The following CHKA variants were observed in gnomAD, a reference collection of about 807,000 sequenced individuals.
CHKA encodes CHETK-alpha.
A neutral mutation model predicts 60.1 loss-of-function variants in CHKA; 34 were observed. The observed-to-expected ratio is 0.57, with a 90% CI of 0.43 to 0.75. The LOEUF is 0.75. CHKA is among the 30% of genes least tolerant of loss of function. The pLI, the probability that CHKA is intolerant of heterozygous loss-of-function variation, is 0.00. For missense variants in CHKA, 563 were observed against 561.3 expected (o/e 1.00, Z -0.03); for synonymous variants, 217 against 223.1 (o/e 0.97, Z 0.24).
intron 10 of CHKA, 71 bp downstream of exon 10, chr11:68,064,454 G>A: frequency 1.4e-6 from 1 of 710,604 alleles, no homozygotes; most frequent in Non-Finnish European, 2.3e-6. Context: ...CTAATTGCAA[G>A]TCAGCATCTC....
chr11:68,083,974 G>T (rs569356148), intron 2 of CHKA, among the ~76,000 whole-genome samples: 1 of 152,034 alleles, frequency 6.6e-6, no homozygotes, highest in Non-Finnish European at 1.5e-5. Context: ...GCCGGCGGGG[G>T]TGGCCCATGC....
chr11:68,113,235 T>C (rs1357084234), intron 1 of CHKA, among the ~76,000 whole-genome samples: 3 of 150,818 alleles, frequency 2.0e-5, no homozygotes, highest in African/African-American at 7.3e-5. Context: ...CATCTGTGAA[T>C]ACCCACTACA....
At chr11:68,080,582 A>G (rs1052841502) in intron 3 of CHKA, among the ~76,000 whole-genome samples, 3 of 152,100 alleles carry the variant, frequency 2.0e-5, no homozygotes, top group African/African-American at 4.8e-5. Flanking sequence ...TCCTGACCTC[A>G]TGATCCACCT....
At chr11:68,120,545 A>G (rs1590893259) in intron 1 of CHKA, among the ~76,000 whole-genome samples, 1 of 152,266 alleles carries the variant, frequency 6.6e-6, no homozygotes, top group East Asian at 1.9e-4. Context: ...ATGGAACGGT[A>G]TTGTTCTCCT....
At chr11:68,102,491 A>G (rs562842313) in intron 1 of CHKA, among the ~76,000 whole-genome samples, 2 of 152,338 alleles carry the variant, frequency 1.3e-5, no homozygotes, top group African/African-American at 4.8e-5. Flanking sequence ...GGAAAACTGG[A>G]TATCGCACGC....
At chr11:68,066,342 G>T in intron 8 of CHKA, 87 bp downstream of exon 8, 1 of 1,162,928 alleles carries the variant, frequency 8.6e-7, no homozygotes, top group Non-Finnish European at 1.3e-6. Flanking sequence ...GCGGCATTTT[G>T]ACTTATTTTC....
At chr11:68,105,937 T>C (rs968843802) in intron 1 of CHKA, among the ~76,000 whole-genome samples, 2 of 151,456 alleles carry the variant, frequency 1.3e-5, no homozygotes, top group African/African-American at 4.9e-5. Flanking sequence ...AAAGTCAAAA[T>C]GACTAGAAAG....
intron 11 of CHKA, among the ~76,000 whole-genome samples, chr11:68,060,499 T>C (rs1008061536): frequency 4.0e-5 from 6 of 151,720 alleles, no homozygotes; most frequent in East Asian, 3.9e-4. Flanking sequence ...TTAGTAGAGA[T>C]AGAGTTTCAC....
At chr11:68,056,780 CAA>C (rs1856032867) in intron 11 of CHKA, among the ~76,000 whole-genome samples, 1 of 151,928 alleles carries the variant, frequency 6.6e-6, no homozygotes, top group Non-Finnish European at 1.5e-5. Flanking sequence ...AAGGTTGAGA[CAA>C]GAGGATCGCT....
rs1315163392 is a variant in CHKA at position 68,064,580 on chromosome 11, G to A, written c.1177C>T (p.Leu393Phe). 4 of 1,595,436 alleles carry A rather than the reference G, an allele frequency of 2.5e-6. No individual in the cohort carries two copies. Among genetic ancestry groups the A allele is most frequent in the Non-Finnish European group, 3.4e-6 (4 of 1,173,572 alleles). Residue 393 changes from leucine to phenylalanine, a missense_variant, in exon 10 of 12, where the codon CTC (leucine) becomes TTC (phenylalanine). Leu to Phe is a conservative substitution (Grantham distance 22). Coordinates refer to ENST00000265689, the MANE Select transcript of CHKA (RefSeq NM_001277.3). The part of the protein sequence containing the change: ...LPAFQNDFEN[L>F]STEEKSIIKE... ...ATAATGGATTTTTCTTCAGTACTGA[G>A]GTTTTCAAAGTCATTTTGGAATGCA... is the stretch of plus-strand genomic sequence containing the variant.
chr11:68,119,518 G>A (rs1454312202), intron 1 of CHKA, among the ~76,000 whole-genome samples: 1 of 152,182 alleles, frequency 6.6e-6, no homozygotes, highest in African/African-American at 2.4e-5. Flanking sequence ...GTCAAAGGCT[G>A]GAGTGCAGTG....
chr11:68,119,281 G>A (rs1463480682), intron 1 of CHKA, among the ~76,000 whole-genome samples: 1 of 152,126 alleles, frequency 6.6e-6, no homozygotes, highest in African/African-American at 2.4e-5. Context: ...AGCACAAAGA[G>A]GAAGTGAAGC....
chr11:68,104,209 C>T (rs996575892), intron 1 of CHKA, among the ~76,000 whole-genome samples: 1 of 152,088 alleles, frequency 6.6e-6, no homozygotes, highest in Non-Finnish European at 1.5e-5. Context: ...GAGGACAGTA[C>T]TTATATTAAG....
chr11:68,083,891 A>C (rs942729489), intron 2 of CHKA, among the ~76,000 whole-genome samples: 1 of 152,162 alleles, frequency 6.6e-6, no homozygotes, highest in Non-Finnish European at 1.5e-5. Flanking sequence ...ATCTCAAACC[A>C]AGTGTATATT....
At chr11:68,071,974 C>T (rs1441924362) in intron 4 of CHKA, among the ~76,000 whole-genome samples, 1 of 152,210 alleles carries the variant, frequency 6.6e-6, no homozygotes, top group Non-Finnish European at 1.5e-5. Context: ...AATTACCATG[C>T]TGCAATAAGA....
At chr11:68,103,184 T>C (rs1238424364) in intron 1 of CHKA, among the ~76,000 whole-genome samples, 2 of 151,954 alleles carry the variant, frequency 1.3e-5, no homozygotes, top group East Asian at 1.9e-4. Flanking sequence ...TATCAAAAGA[T>C]GACAAATAAA....
chr11:68,113,081 CA>C (rs71040587), intron 1 of CHKA, among the ~76,000 whole-genome samples: 154 of 14,494 alleles, frequency 0.011, no homozygotes, highest in African/African-American at 0.026. Context: ...GACTCCGTCT[CA>C]AAAAAAAAAA....
chr11:68,075,978 CA>C (rs1218492504), intron 3 of CHKA, among the ~76,000 whole-genome samples: 4 of 152,140 alleles, frequency 2.6e-5, no homozygotes, highest in African/African-American at 9.6e-5. Flanking sequence ...ACTGAGAAAC[CA>C]AGAGGACAAA....
At chr11:68,086,687 TATC>T (rs1857187956) in intron 2 of CHKA, among the ~76,000 whole-genome samples, 2 of 152,268 alleles carry the variant, frequency 1.3e-5, no homozygotes, top group South Asian at 2.1e-4. Context: ...CACATATAGT[TATC>T]ATTTAAATGT....
Sources: gnomAD v4.1 joint callset for allele counts (sites outside exome capture counted in the v4.1 genomes callset) on GRCh38, gnomAD v4.1.1 for gene constraint, MANE v1.5 for transcripts, NCBI Gene and HGNC (gene_info 2026-07-23, HGNC 2026-07-21) for gene names.